TTC23: variants seen among roughly 807,000 people sequenced by gnomAD.
TTC23 encodes the protein tetratricopeptide repeat domain 23.
Under a neutral mutation model 55.1 loss-of-function variants are expected in TTC23, and 58 were observed. That is an observed-to-expected ratio of 1.05 (90% CI 0.85 to 1.31). TTC23 has a LOEUF of 1.31. Among genes scored for constraint, TTC23 ranks in the 50% most tolerant of loss-of-function variants. TTC23 has a pLI of 0.00. For missense variants in TTC23, 516 were observed against 534.4 expected (o/e 0.97, Z 0.34); for synonymous variants, 203 against 199.9 (o/e 1.02, Z -0.13).
At chr15:99,197,391 C>T (rs2075832546) in intron 9 of TTC23, among the ~76,000 whole-genome samples, 1 of 152,078 alleles carries the variant, frequency 6.6e-6, no homozygotes, top group African/African-American at 2.4e-5. Context: ...TGTGAGCCAC[C>T]ACGCCCGGCC....
chr15:99,168,598 G>A (rs368087686), intron 10 of TTC23, among the ~76,000 whole-genome samples: 6 of 152,200 alleles, frequency 3.9e-5, no homozygotes, highest in Non-Finnish European at 2.9e-5. Context: ...CCTCATGAAC[G>A]TGGTCATCAT....
chr15:99,160,462 A>T (rs1231624390), intron 11 of TTC23: 1 of 152,204 alleles, frequency 6.6e-6, no homozygotes, highest in Non-Finnish European at 1.5e-5. Context: ...CTACCATAGC[A>T]TTTACATTGT....
intron 9 of TTC23, among the ~76,000 whole-genome samples, chr15:99,190,331 G>T (rs1669642972): frequency 6.7e-6 from 1 of 148,698 alleles, no homozygotes; most frequent in Admixed American, 6.8e-5. Context: ...GGAGTGCAGT[G>T]ATGTGATCTT....
At chr15:99,232,583 A>C (rs2079019779) in intron 4 of TTC23, among the ~76,000 whole-genome samples, 1 of 152,160 alleles carries the variant, frequency 6.6e-6, no homozygotes, top group Non-Finnish European at 1.5e-5. Flanking sequence ...TCATTAGAGA[A>C]ATGCAAATTA....
rs2080531261 is a variant in TTC23 at position 99,249,393 on chromosome 15, A to G, written c.-653T>C. 1 of 152,180 alleles carries G rather than the reference A, an allele frequency of 6.6e-6. No homozygotes were observed. Among genetic ancestry groups the G allele is most frequent in the Non-Finnish European group, 1.5e-5 (1 of 68,046 alleles). The allele number at this position is 152,180 out of a possible 1,614,324, so 9.4% of individuals were successfully genotyped here. A position where few individuals can be genotyped will look rare whatever the true frequency, so the allele number is the denominator to read the frequency against. Reference sequence around the variant, plus strand: ...ATGTCGTAAAATCCCTTGCCAGTTTACCCAGTCTGCTGGAGAGGCTCACCG... The same window carrying G: ...ATGTCGTAAAATCCCTTGCCAGTTTGCCCAGTCTGCTGGAGAGGCTCACCG... On this transcript the variant is annotated 5_prime_UTR_variant, in exon 1 of 14. Transcript: ENST00000394132.
rs565889830 is a variant in TTC23 at position 99,157,772 on chromosome 15, T to C, written c.994-1475A>G. 2.0e-5 allele frequency: 3 copies of C among 152,340 alleles called. No individual in the cohort carries two copies. In the East Asian group the frequency reaches 5.8e-4, roughly 29 times the overall value. The allele number at this position is 152,340 out of a possible 1,614,324, so 9.4% of individuals were successfully genotyped here. ...TTATGAATTGGTCAGGACATAGTATTTCCTGATATTAGCTTCTTCAGACAC... is the reference window on the plus strand; with the variant it reads ...TTATGAATTGGTCAGGACATAGTATCTCCTGATATTAGCTTCTTCAGACAC... On this transcript the variant is annotated intron_variant, in intron 11 of 13. Transcript: ENST00000394132.
intron 9 of TTC23, among the ~76,000 whole-genome samples, chr15:99,176,458 A>G (rs951770411): frequency 1.3e-5 from 2 of 152,098 alleles, no homozygotes; most frequent in Non-Finnish European, 2.9e-5. Flanking sequence ...AACAAATACA[A>G]AAATTAGCCG....
intron 9 of TTC23, among the ~76,000 whole-genome samples, chr15:99,176,245 A>G (rs2073537233): frequency 6.6e-6 from 1 of 152,206 alleles, no homozygotes; most frequent in Non-Finnish European, 1.5e-5. Context: ...CGGTGAAGTA[A>G]GATAATACAC....
intron 11 of TTC23, chr15:99,158,815 C>G (rs540368593): frequency 5.9e-5 from 9 of 152,548 alleles, no homozygotes; most frequent in African/African-American, 2.2e-4. Flanking sequence ...GGGACTGTCC[C>G]TGGGCCCGGC....
At chr15:99,245,820 C>CT (rs57795170) in intron 1 of TTC23, among the ~76,000 whole-genome samples, 104,972 of 141,042 alleles carry the variant, frequency 0.74, 39,057 homozygotes, top group Middle Eastern at 0.85. Context: ...TCTTCATGAA[C>CT]TTTTTTTTTT....
Position 99,164,187 on chromosome 15 carries a change from T to C in TTC23, c.866-2320A>G, listed in dbSNP as rs148980122. On this transcript the variant is annotated intron_variant, in intron 10 of 13. Coordinates refer to ENST00000394132, the MANE Select transcript of TTC23 (RefSeq NM_001288615.3). ...AGCACAGGGGTTGGCAAACTTATTC[T>C]GTAAAGGACAGGATGGTAAATATTT... Among the ~76,000 whole-genome samples, 558 of 152,338 alleles carry C rather than the reference T, an allele frequency of 3.7e-3. 17 individuals carry two copies. The highest frequency in any genetic ancestry group is 8.7e-4 in the Non-Finnish European group (59 of 68,020).
At chr15:99,160,152 G>A (rs2071157251) in intron 11 of TTC23, 2 of 151,700 alleles carry the variant, frequency 1.3e-5, no homozygotes, top group Non-Finnish European at 2.9e-5. Context: ...GGTGATTGTG[G>A]CCCTACTTTG....
chr15:99,185,856 G>C (rs1436200878), intron 9 of TTC23, among the ~76,000 whole-genome samples: 4 of 151,916 alleles, frequency 2.6e-5, no homozygotes, highest in African/African-American at 7.3e-5. Context: ...TCCAGGACTT[G>C]GTTTATTTTT....
intron 8 of TTC23, 56 bp downstream of exon 8, chr15:99,218,532 T>C: frequency 6.2e-7 from 1 of 1,608,918 alleles, no homozygotes; most frequent in Non-Finnish European, 8.5e-7. Flanking sequence ...AGACAGATTC[T>C]ACAGGCAAAG....
At chr15:99,195,619 T>C in intron 9 of TTC23, among the ~76,000 whole-genome samples, 1 of 152,102 alleles carries the variant, frequency 6.6e-6, no homozygotes, top group East Asian at 1.9e-4. Flanking sequence ...TTTAGGGCAG[T>C]GAAGCCACTC....
At chr15:99,175,005 G>C (rs1395930989) in intron 10 of TTC23, 45 bp downstream of exon 10, 4 of 1,573,092 alleles carry the variant, frequency 2.5e-6, no homozygotes, top group Non-Finnish European at 3.5e-6. Context: ...CTCGTTTATA[G>C]ACCCAGATGC....
chr15:99,176,057 C>T (rs527649470), intron 9 of TTC23, among the ~76,000 whole-genome samples: 5 of 152,228 alleles, frequency 3.3e-5, no homozygotes, highest in African/African-American at 1.2e-4. Flanking sequence ...TCACAATAGT[C>T]CTTTCAAATA....
chr15:99,167,285 C>T (rs948979556), intron 10 of TTC23, among the ~76,000 whole-genome samples: 3 of 152,204 alleles, frequency 2.0e-5, no homozygotes, highest in African/African-American at 7.2e-5. Context: ...CCAGCAGTTT[C>T]AGCACTCTCA....
intron 12 of TTC23, chr15:99,140,695 A>C (rs2068126513): frequency 6.6e-6 from 1 of 152,206 alleles, no homozygotes; most frequent in Non-Finnish European, 1.5e-5. Flanking sequence ...GAGGTAGGGA[A>C]GTATTTCTTA....
Sources: gnomAD v4.1 joint callset for allele counts (sites outside exome capture counted in the v4.1 genomes callset) on GRCh38, gnomAD v4.1.1 for gene constraint, MANE v1.5 for transcripts, NCBI Gene and HGNC (gene_info 2026-07-23, HGNC 2026-07-21) for gene names.